ADGRL3: variants seen among roughly 807,000 people sequenced by gnomAD.
ADGRL3 encodes adhesion G protein-coupled receptor L3.
In ADGRL3, 62 loss-of-function variants were observed where a neutral mutation model predicts 153.5. The observed-to-expected ratio is 0.40, with a 90% CI of 0.33 to 0.50. The LOEUF (loss-of-function observed/expected upper bound fraction) is 0.50, where lower values mean the gene tolerates loss of function less well. Among genes scored for constraint, ADGRL3 ranks in the 20% least tolerant of loss-of-function variants. ADGRL3 has a pLI of 0.47. For missense variants in ADGRL3, 1,641 were observed against 1,859.4 expected, an observed-to-expected ratio of 0.88 and a Z score of 2.16; for synonymous variants, 710 against 672.5, an observed-to-expected ratio of 1.06 and a Z score of -0.86.
intron 8 of ADGRL3, among the ~76,000 whole-genome samples, chr4:61,762,130 A>G (rs1188343380): frequency 6.6e-6 from 1 of 152,224 alleles, no homozygotes; most frequent in Non-Finnish European, 1.5e-5. Context: ...TAAAGTGGTC[A>G]TGGTTAAAGA....
At chr4:61,276,698 GT>G (rs1451233543) in intron 1 of ADGRL3, among the ~76,000 whole-genome samples, 1 of 151,848 alleles carries the variant, frequency 6.6e-6, no homozygotes, top group Non-Finnish European at 1.5e-5. Context: ...TTCCCATTTT[GT>G]TTTTTGCAAG....
At chr4:61,867,316 T>TG (rs2098406255) in intron 9 of ADGRL3, among the ~76,000 whole-genome samples, 1 of 151,176 alleles carries the variant, frequency 6.6e-6, no homozygotes, top group Non-Finnish European at 1.5e-5. Context: ...CTGAGCAACA[T>TG]GGGGAAACCC....
At chr4:61,422,745 C>T (rs2097221290) in intron 2 of ADGRL3, among the ~76,000 whole-genome samples, 1 of 151,708 alleles carries the variant, frequency 6.6e-6, no homozygotes, top group African/African-American at 2.4e-5. Flanking sequence ...TTTTCACTTA[C>T]ATAAAATAAT....
chr4:61,543,910 C>T (rs2098702094), intron 4 of ADGRL3, among the ~76,000 whole-genome samples: 1 of 152,160 alleles, frequency 6.6e-6, no homozygotes, highest in Admixed American at 6.5e-5. Flanking sequence ...TCATCTTAGG[C>T]ATATACCACA....
At chr4:61,535,726 A>G (rs2098651744) in intron 4 of ADGRL3, among the ~76,000 whole-genome samples, 1 of 151,916 alleles carries the variant, frequency 6.6e-6, no homozygotes, top group Non-Finnish European at 1.5e-5. Flanking sequence ...GTTTGTGCAC[A>G]TAGAGATTTT....
chr4:61,757,832 G>A (rs375591090), intron 8 of ADGRL3, among the ~76,000 whole-genome samples: 3,072 of 152,016 alleles, frequency 0.02, 50 homozygotes, highest in East Asian at 0.1. Context: ...CTTTTTTCTC[G>A]TTGATTTCAA....
At chr4:61,916,037 A>G (rs567485394) in intron 13 of ADGRL3, among the ~76,000 whole-genome samples, 2 of 152,242 alleles carry the variant, frequency 1.3e-5, no homozygotes, top group South Asian at 2.1e-4. Context: ...AATTATCCAG[A>G]GTTATCTTTT....
At chr4:61,813,266 C>T (rs2097651006) in intron 8 of ADGRL3, among the ~76,000 whole-genome samples, 1 of 152,116 alleles carries the variant, frequency 6.6e-6, no homozygotes, top group Non-Finnish European at 1.5e-5. Flanking sequence ...TGGTGGCACA[C>T]ATCTGTAATC....
At position 62,072,938 on chromosome 4, in the gene ADGRL3, A is replaced by G. The variant is rs1011783236; in HGVS notation, c.*2030A>G. 1.3e-5 allele frequency: 2 copies of G among 151,986 alleles called. No individual in the cohort carries two copies. Among genetic ancestry groups the G allele is most frequent in the Non-Finnish European group, 2.9e-5 (2 of 67,972 alleles). The allele number at this position is 151,986 out of a possible 1,614,324, so 9.4% of individuals were successfully genotyped here. On this transcript the variant is annotated 3_prime_UTR_variant, in exon 27 of 27. Coordinates refer to ENST00000683033, the MANE Select transcript of ADGRL3 (RefSeq NM_001387552.1). ...AAGACTTTTATTGTGTTTTTTTCTT[A>G]TTCTATATATGAGGGAAATCGGAAA...
intron 17 of ADGRL3, among the ~76,000 whole-genome samples, chr4:61,974,284 A>G (rs562386916): frequency 6.6e-6 from 1 of 152,156 alleles, no homozygotes; most frequent in Non-Finnish European, 1.5e-5. Flanking sequence ...AGGCATTTTT[A>G]TAGCCTTAAT....
chr4:61,620,657 T>TC (rs1367314699), intron 5 of ADGRL3, among the ~76,000 whole-genome samples: 9 of 145,906 alleles, frequency 6.2e-5, no homozygotes, highest in African/African-American at 2.3e-4. Flanking sequence ...TTTTTTTTTT[T>TC]TTGAGATGGA....
At chr4:61,824,310 A>G (rs557778545) in intron 9 of ADGRL3, among the ~76,000 whole-genome samples, 6 of 152,266 alleles carry the variant, frequency 3.9e-5, no homozygotes, top group African/African-American at 9.6e-5. Flanking sequence ...TACTGTTTTC[A>G]TAAACATGTA....
In ADGRL3 at chr4:61,297,841, CCAT is replaced by C. The variant is rs569424114; in HGVS notation, c.-239-85277_-239-85275del. ...ACTACCGTCGCCACCACCACCACCA[CCAT>C]CATCACCATCACCACTGCCACTGCT... On this transcript the variant is annotated intron_variant, in intron 1 of 26. Transcript: ENST00000683033. Among the ~76,000 whole-genome samples the C allele has an allele frequency of 5.7e-4, 86 of 151,726 alleles. 1 individual carries two copies. The highest frequency in any genetic ancestry group is 1.0e-3 in the African/African-American group (41 of 41,086).
intron 17 of ADGRL3, among the ~76,000 whole-genome samples, chr4:61,971,650 T>C (rs2099028201): frequency 6.6e-6 from 1 of 152,154 alleles, no homozygotes; most frequent in South Asian, 2.1e-4. Flanking sequence ...CAGCATGATT[T>C]ATAGTCCTTT....
chr4:61,965,586 A>G (rs1439085833), intron 17 of ADGRL3, among the ~76,000 whole-genome samples: 1 of 151,858 alleles, frequency 6.6e-6, no homozygotes, highest in Non-Finnish European at 1.5e-5. Flanking sequence ...CATCTCTACT[A>G]AAAATACAAA....
chr4:61,873,968 C>G (rs2098459830), intron 9 of ADGRL3, among the ~76,000 whole-genome samples: 1 of 152,078 alleles, frequency 6.6e-6, no homozygotes, highest in African/African-American at 2.4e-5. Flanking sequence ...TTTGAGAACT[C>G]TTGCTCTGAA....
intron 9 of ADGRL3, among the ~76,000 whole-genome samples, chr4:61,842,776 T>G (rs1328268570): frequency 6.6e-6 from 1 of 152,194 alleles, no homozygotes; most frequent in East Asian, 1.9e-4. Flanking sequence ...GCTGCATCAT[T>G]TGCTGTTTTT....
At chr4:61,242,357 C>T (rs1755317511) in intron 1 of ADGRL3, among the ~76,000 whole-genome samples, 1 of 152,030 alleles carries the variant, frequency 6.6e-6, no homozygotes, top group African/African-American at 2.4e-5. Context: ...GAATGTCTCC[C>T]AGACCAATTA....
At chr4:61,280,311 A>C (rs1290945628) in intron 1 of ADGRL3, among the ~76,000 whole-genome samples, 1 of 151,130 alleles carries the variant, frequency 6.6e-6, no homozygotes, top group Non-Finnish European at 1.5e-5. Flanking sequence ...GTTTCACCAT[A>C]TTGGCCAGGA....
Sources: allele counts gnomAD v4.1 joint callset (sites outside exome capture counted in the v4.1 genomes callset), GRCh38; gene constraint gnomAD v4.1.1; transcripts MANE v1.5; gene names NCBI Gene and HGNC (gene_info 2026-07-23, HGNC 2026-07-21).